The following ABCG8 variants were observed in gnomAD, a reference collection of about 807,000 sequenced individuals.
ABCG8 encodes the protein ATP binding cassette subfamily G member 8, also known as ATP-binding cassette sub-family G member 8.
In ABCG8, 81 loss-of-function variants were observed where a neutral mutation model predicts 71.3. That is an observed-to-expected ratio of 1.14 (90% confidence interval 0.95 to 1.37). The LOEUF (loss-of-function observed/expected upper bound fraction) is 1.37, where lower values mean the gene tolerates loss of function less well. ABCG8 is among the 40% of genes most tolerant of loss of function. The pLI is 0.00. For missense variants in ABCG8, 1,119 were observed against 866.2 expected (o/e 1.29, Z -3.66); for synonymous variants, 451 against 354.7 (o/e 1.27, Z -3.05).
In ABCG8 at chr2:43,875,359, A is replaced by C; in HGVS notation, c.1702A>C (p.Asn568His). The change falls in exon 11 of 13, where the codon AAC (asparagine) becomes CAC (histidine). Residue 568 changes from asparagine (N) to histidine (H), a missense_variant. Coordinates refer to ENST00000272286, the MANE Select transcript of ABCG8 (RefSeq NM_022437.3). ...CTCCTTCTTCAGCAATGCCCTCTAC[A>C]ACTCCTTCTACCTCGCCGGGGGCTT... ...MASFFSNALY[N>H]SFYLAGGFMI... 6.2e-7 allele frequency: 1 copy of C among 1,614,074 alleles called. No homozygotes were observed. Among genetic ancestry groups the C allele is most frequent in the Non-Finnish European group, 8.5e-7 (1 of 1,180,036 alleles).
chr2:43,881,901 A>C lies in ABCG8; in HGVS notation c.*3988A>C, dbSNP rs1453053943. On this transcript the variant is annotated 3_prime_UTR_variant, in exon 13 of 13. Coordinates refer to ENST00000272286, the MANE Select transcript of ABCG8 (RefSeq NM_022437.3). ...CTTATAGGCTCTGCTGCAATTACTTAACTCTGCTGTTACAGTGTGAGAGCA... is the reference window on the plus strand; with the variant it reads ...CTTATAGGCTCTGCTGCAATTACTTCACTCTGCTGTTACAGTGTGAGAGCA... The C allele has an allele frequency of 3.9e-5, 6 of 152,176 alleles. No homozygotes were observed. The highest frequency in any genetic ancestry group is 8.8e-5 in the Non-Finnish European group (6 of 68,032). 9.4% of individuals were successfully genotyped at this position (152,176 alleles called of 1,614,324 possible).
chr2:43,857,908 A>T (rs573469511), intron 6 of ABCG8, among the ~76,000 whole-genome samples: 1 of 151,850 alleles, frequency 6.6e-6, no homozygotes, highest in African/African-American at 2.4e-5. Context: ...ATCAATCTGG[A>T]TATAATTCTC....
intron 6 of ABCG8, among the ~76,000 whole-genome samples, chr2:43,856,744 G>C (rs72796769): frequency 0.054 from 8,192 of 150,990 alleles, 272 homozygotes; most frequent in Middle Eastern, 0.12. Flanking sequence ...TCTGGAAGAA[G>C]TTTCACTATC....
chr2:43,878,073 G>A lies in ABCG8; in HGVS notation c.*160G>A. ...CTGCAGTGGCACAGACCAGCCACAGGATGGCAGTAGAATAAAGACAGTCGA... is the reference window on the plus strand; with the variant it reads ...CTGCAGTGGCACAGACCAGCCACAGAATGGCAGTAGAATAAAGACAGTCGA... On this transcript the variant is annotated 3_prime_UTR_variant, in exon 13 of 13. Coordinates refer to ENST00000272286, the MANE Select transcript of ABCG8 (RefSeq NM_022437.3). 6.0e-6 allele frequency: 6 copies of A among 1,000,704 alleles called. No individual in the cohort carries two copies. The South Asian group carries it at 8.3e-5, about 14-fold the overall frequency. The allele number at this position is 1,000,704 out of a possible 1,614,324, so 62.0% of individuals were successfully genotyped here.
intron 3 of ABCG8, among the ~76,000 whole-genome samples, chr2:43,850,031 C>A (rs531084038): frequency 3.3e-5 from 5 of 151,994 alleles, no homozygotes; most frequent in African/African-American, 9.7e-5. Flanking sequence ...GAAACCCCGT[C>A]GCTGCTAAAA....
At chr2:43,849,927 C>T (rs1448346943) in intron 3 of ABCG8, among the ~76,000 whole-genome samples, 1 of 152,102 alleles carries the variant, frequency 6.6e-6, no homozygotes, top group Non-Finnish European at 1.5e-5. Context: ...GGGCCGGGCA[C>T]GGTGGCTCAC....
intron 6 of ABCG8, among the ~76,000 whole-genome samples, chr2:43,867,568 A>G (rs1274009919): frequency 6.6e-6 from 1 of 151,650 alleles, no homozygotes; most frequent in Non-Finnish European, 1.5e-5. Flanking sequence ...TCCAGATAGA[A>G]TTCTCACCAT....
chr2:43,875,162 C>T lies in ABCG8; in HGVS notation c.1505C>T (p.Pro502Leu), dbSNP rs761153163. Residue 502 changes from proline to leucine, a missense_variant, in exon 11 of 13, where the codon CCG becomes CTG. Transcript: ENST00000272286. ...YFFAKILGELPEHCAYIIIYG... is the reference protein window; with the variant it reads ...YFFAKILGELLEHCAYIIIYG... Reference sequence around the variant, plus strand: ...TCTTTGCAGATCCTCGGGGAGCTTCCGGAGCACTGTGCCTACATCATCATC... The same window carrying T: ...TCTTTGCAGATCCTCGGGGAGCTTCTGGAGCACTGTGCCTACATCATCATC... 52 of 1,614,100 alleles carry T rather than the reference C, an allele frequency of 3.2e-5. No individual in the cohort carries two copies. In the Admixed American group the frequency reaches 3.8e-4, roughly 12 times the overall value.
intron 6 of ABCG8, among the ~76,000 whole-genome samples, chr2:43,867,499 A>G (rs774513392): frequency 1.3e-5 from 2 of 151,422 alleles, no homozygotes; most frequent in Non-Finnish European, 2.9e-5. Context: ...CACCCTCTGG[A>G]TAGAACTGTC....
In ABCG8 at chr2:43,844,309, AGAG is replaced by A. The variant is rs1295780081; in HGVS notation, c.64-194_64-192del. On this transcript the variant is annotated intron_variant, in intron 1 of 12. Transcript: ENST00000272286. ...AGCCCCAAACCTCTCTCTGAAGGGAAGAGGAGATGGGCCCTTGTCAGCACTCCT... is the reference window on the plus strand; with the variant it reads ...AGCCCCAAACCTCTCTCTGAAGGGAAGAGATGGGCCCTTGTCAGCACTCCT... Among the ~76,000 whole-genome samples the A allele has an allele frequency of 2.0e-5, 3 of 152,274 alleles. No homozygotes were observed. In the South Asian group the frequency reaches 6.2e-4, roughly 32 times the overall value.
intron 1 of ABCG8, 74 bp from the exon 2 acceptor site, chr2:43,844,433 T>G: frequency 8.0e-7 from 1 of 1,251,994 alleles, no homozygotes; most frequent in South Asian, 1.2e-5. Context: ...TCTCACCTGT[T>G]GGTTTCCTTC....
intron 6 of ABCG8, among the ~76,000 whole-genome samples, chr2:43,870,113 C>A (rs1669709583): frequency 6.6e-6 from 1 of 151,988 alleles, no homozygotes; most frequent in Non-Finnish European, 1.5e-5. Context: ...CTCTCAGTCT[C>A]TGGATAGAAT....
intron 6 of ABCG8, among the ~76,000 whole-genome samples, chr2:43,855,592 A>G (rs1368918520): frequency 2.0e-5 from 3 of 152,190 alleles, no homozygotes; most frequent in African/African-American, 4.8e-5. Context: ...CTCACTATCT[A>G]TCTAGATAGA....
intron 8 of ABCG8, among the ~76,000 whole-genome samples, chr2:43,873,271 C>T (rs954065651): frequency 6.6e-6 from 1 of 151,832 alleles, no homozygotes; most frequent in Non-Finnish European, 1.5e-5. Context: ...TCACTGCAAC[C>T]TCCGCCTCCC....
intron 1 of ABCG8, among the ~76,000 whole-genome samples, chr2:43,840,546 T>C (rs1350510077): frequency 6.6e-6 from 1 of 152,194 alleles, no homozygotes; most frequent in Non-Finnish European, 1.5e-5. Flanking sequence ...CTGTGGGTCT[T>C]GGAACAAGAG....
intron 6 of ABCG8, among the ~76,000 whole-genome samples, chr2:43,857,316 A>G (rs1011837573): frequency 1.3e-5 from 2 of 151,702 alleles, no homozygotes; most frequent in African/African-American, 4.8e-5. Flanking sequence ...CACTATCTGC[A>G]TAGAATTCTT....
intron 10 of ABCG8, 78 bp downstream of exon 10, chr2:43,874,561 G>C: frequency 7.9e-7 from 1 of 1,266,276 alleles, no homozygotes; most frequent in Non-Finnish European, 1.2e-6. Context: ...TTGCTACAAG[G>C]AAGGCTTTTC....
chr2:43,864,323 T>C (rs999265641), intron 6 of ABCG8, among the ~76,000 whole-genome samples: 2 of 151,790 alleles, frequency 1.3e-5, no homozygotes, highest in African/African-American at 4.8e-5. Flanking sequence ...ACTATCTGTC[T>C]GGATAGAATT....
At chr2:43,863,619 T>C (rs957505412) in intron 6 of ABCG8, among the ~76,000 whole-genome samples, 1 of 151,518 alleles carries the variant, frequency 6.6e-6, no homozygotes, top group African/African-American at 2.4e-5. Flanking sequence ...TCTGTCAGGA[T>C]AAAATTCTCA....
Sources: allele counts gnomAD v4.1 joint callset (sites outside exome capture counted in the v4.1 genomes callset), GRCh38; gene constraint gnomAD v4.1.1; transcripts MANE v1.5; gene names NCBI Gene and HGNC (gene_info 2026-07-23, HGNC 2026-07-21).